Variants in XRCC5 observed in about 807,000 individuals in gnomAD.
The protein encoded by XRCC5 is X-ray repair cross complementing 5, also known as DNA repair protein Ku80.
XRCC5 carries 12 observed loss-of-function variants against 95.7 expected under a neutral mutation model. That is an observed-to-expected ratio of 0.13 (90% CI 0.08 to 0.20). The LOEUF is 0.20. Ranked by LOEUF, XRCC5 falls within the 10% of genes least tolerant of loss-of-function variation. XRCC5 has a pLI of 1.00. For synonymous variants in XRCC5, 281 were observed against 290.3 expected (o/e 0.97, Z 0.33); for missense variants, 595 against 873.9 (o/e 0.68, Z 4.02).
chr2:216,124,746 C>A (rs1696876610), intron 6 of XRCC5, among the ~76,000 whole-genome samples: 1 of 151,652 alleles, frequency 6.6e-6, no homozygotes, highest in Non-Finnish European at 1.5e-5. Flanking sequence ...TTTATCTGTA[C>A]CAAGGAGTTC....
Position 216,148,076 on chromosome 2 carries a change from C to T in XRCC5, c.1477-7C>T, listed in dbSNP as rs1422857212. 6.3e-7 allele frequency: 1 copy of T among 1,596,296 alleles called. No homozygotes were observed. The highest frequency in any genetic ancestry group is 8.5e-7 in the Non-Finnish European group (1 of 1,175,522). On this transcript the variant is annotated splice_region_variant and splice_polypyrimidine_tract_variant and intron_variant, in intron 13 of 20. Transcript: ENST00000392132. ...CTGTGTTTTAAAATCCTTACTTTTT[C>T]CAACAGTGTCTGCTGCACAGAGCTT...
At chr2:216,140,311 T>C (rs907566371) in intron 12 of XRCC5, among the ~76,000 whole-genome samples, 1 of 152,262 alleles carries the variant, frequency 6.6e-6, no homozygotes, top group Non-Finnish European at 1.5e-5. Flanking sequence ...CTTACTCTTT[T>C]CCACCTTTTG....
At chr2:216,151,146 T>C (rs139768326) in intron 14 of XRCC5, among the ~76,000 whole-genome samples, 1 of 152,296 alleles carries the variant, frequency 6.6e-6, no homozygotes, top group African/African-American at 2.4e-5. Flanking sequence ...GATCTGATAT[T>C]TGTCTTGGAC....
intron 16 of XRCC5, chr2:216,174,877 GC>G: frequency 3.2e-6 from 1 of 308,298 alleles, no homozygotes. Context: ...AAGAATTGTA[GC>G]CCCTCTCTGC....
intron 16 of XRCC5, among the ~76,000 whole-genome samples, chr2:216,166,237 C>A (rs1457770385): frequency 6.6e-6 from 1 of 152,114 alleles, no homozygotes. Context: ...TCTACCACCT[C>A]CACCCCGCCA....
At chr2:216,121,287 T>C (rs776438230) in intron 5 of XRCC5, among the ~76,000 whole-genome samples, 1 of 152,224 alleles carries the variant, frequency 6.6e-6, no homozygotes, top group Non-Finnish European at 1.5e-5. Context: ...CTGTATTTGC[T>C]AAGTATATGA....
At chr2:216,191,751 G>A (rs1689617541) in intron 17 of XRCC5, among the ~76,000 whole-genome samples, 1 of 152,070 alleles carries the variant, frequency 6.6e-6, no homozygotes, top group Admixed American at 6.6e-5. Flanking sequence ...AAGTTTTATG[G>A]AACAATTAGG....
intron 10 of XRCC5, among the ~76,000 whole-genome samples, chr2:216,134,628 G>A (rs371635828): frequency 6.6e-6 from 1 of 151,208 alleles, no homozygotes; most frequent in South Asian, 2.1e-4. Flanking sequence ...GGGGTTTCAC[G>A]ATGTTGGCTA....
chr2:216,145,717 T>A (rs1688617715), intron 13 of XRCC5, among the ~76,000 whole-genome samples: 2 of 152,212 alleles, frequency 1.3e-5, no homozygotes, highest in South Asian at 4.1e-4. Flanking sequence ...AGATCCTTTA[T>A]TATTGACTTA....
chr2:216,204,202 G>T (rs2106056531), intron 19 of XRCC5, 120 bp from the exon 20 acceptor site: 2 of 1,135,840 alleles, frequency 1.8e-6, no homozygotes, highest in Non-Finnish European at 1.3e-6. Flanking sequence ...TTGGGCCGTT[G>T]GCAGTGAGAC....
chr2:216,109,524 A>T, intron 1 of XRCC5, 67 bp downstream of exon 1: 1 of 1,603,720 alleles, frequency 6.2e-7, no homozygotes. Flanking sequence ...GTTCGGAAGC[A>T]GGAATCGTGG....
intron 18 of XRCC5, among the ~76,000 whole-genome samples, chr2:216,192,984 G>A (rs1397086267): frequency 6.6e-6 from 1 of 152,028 alleles, no homozygotes; most frequent in Non-Finnish European, 1.5e-5. Flanking sequence ...GACTCTTTAC[G>A]CAGCATGACC....
chr2:216,146,944 C>A (rs993124741), intron 13 of XRCC5, among the ~76,000 whole-genome samples: 14 of 152,014 alleles, frequency 9.2e-5, no homozygotes, highest in African/African-American at 3.4e-4. Context: ...ATTCATTCAG[C>A]AGTAAAGAAG....
At chr2:216,189,228 C>T (rs7607889) in intron 16 of XRCC5, among the ~76,000 whole-genome samples, 4,623 of 152,302 alleles carry the variant, frequency 0.03, 229 homozygotes, top group African/African-American at 0.11. Context: ...CTAGAATGCT[C>T]ACAGGAGGCT....
chr2:216,117,499 T>A (rs960075749), intron 3 of XRCC5: 2 of 479,318 alleles, frequency 4.2e-6, no homozygotes, highest in African/African-American at 3.8e-5. Context: ...TTTGGTTAAA[T>A]GAATGCAATG....
At chr2:216,198,108 AAG>A (rs1689763905) in intron 19 of XRCC5, among the ~76,000 whole-genome samples, 1 of 152,242 alleles carries the variant, frequency 6.6e-6, no homozygotes, top group African/African-American at 2.4e-5. Flanking sequence ...AATCCCCAGA[AAG>A]GTAAAGTGGG....
chr2:216,204,236 T>C (rs1405050481), intron 19 of XRCC5, 86 bp from the exon 20 acceptor site: 1 of 1,502,484 alleles, frequency 6.7e-7, no homozygotes, highest in East Asian at 2.3e-5. Flanking sequence ...GCCTTAGGTT[T>C]TGCTGTGGCA....
intron 8 of XRCC5, among the ~76,000 whole-genome samples, chr2:216,129,505 G>A (rs1021714860): frequency 1.3e-5 from 2 of 152,188 alleles, no homozygotes; most frequent in African/African-American, 2.4e-5. Flanking sequence ...TTCATTACAA[G>A]TTACACAATT....
At chr2:216,170,753 A>G (rs1170893486) in intron 16 of XRCC5, among the ~76,000 whole-genome samples, 1 of 152,188 alleles carries the variant, frequency 6.6e-6, no homozygotes, top group Non-Finnish European at 1.5e-5. Context: ...TGCTTAGGAG[A>G]AAGGGCCTGC....
Sources: gnomAD v4.1 joint callset for allele counts (sites outside exome capture counted in the v4.1 genomes callset) on GRCh38, gnomAD v4.1.1 for gene constraint, MANE v1.5 for transcripts, NCBI Gene and HGNC (gene_info 2026-07-23, HGNC 2026-07-21) for gene names.